The following CA5A variants were observed in gnomAD, a reference collection of about 807,000 sequenced individuals.
CA5A encodes carbonic anhydrase 5A, mitochondrial.
A neutral mutation model predicts 37.1 loss-of-function variants in CA5A; 28 were observed. The ratio of observed to expected loss-of-function variants is 0.75; its 90% CI spans 0.56 to 1.03. The LOEUF (loss-of-function observed/expected upper bound fraction) is 1.03. Among genes scored for constraint, CA5A ranks in the 50% least tolerant of loss-of-function variants. The pLI, the probability that CA5A is intolerant of heterozygous loss-of-function variation, is 0.00. For synonymous variants in CA5A, 171 were observed against 158.4 expected, an observed-to-expected ratio of 1.08 and a Z score of -0.60; for missense variants, 444 against 399.9, an observed-to-expected ratio of 1.11 and a Z score of -0.94.
At chr16:87,915,205 G>A (rs528363905) in intron 2 of CA5A, among the ~76,000 whole-genome samples, 6 of 152,272 alleles carry the variant, frequency 3.9e-5, no homozygotes, top group East Asian at 1.9e-4. Flanking sequence ...TGTCTGCAGC[G>A]GTCCCTGGGA....
chr16:87,903,749 A>G (rs564745759), intron 3 of CA5A, among the ~76,000 whole-genome samples: 1 of 152,294 alleles, frequency 6.6e-6, no homozygotes, highest in Non-Finnish European at 1.5e-5. Flanking sequence ...AAAAAACAGA[A>G]AGAGTCCTCA....
intron 2 of CA5A, among the ~76,000 whole-genome samples, chr16:87,922,115 T>TTA (rs2056238790): frequency 2.0e-5 from 3 of 152,132 alleles, no homozygotes; most frequent in African/African-American, 7.2e-5. Context: ...GTTACAGGTG[T>TTA]GAGCCGCCGG....
intron 3 of CA5A, among the ~76,000 whole-genome samples, chr16:87,903,570 A>G (rs1266009207): frequency 6.6e-6 from 1 of 152,254 alleles, no homozygotes; most frequent in Admixed American, 6.5e-5. Flanking sequence ...CATTCTTGGA[A>G]CAATTTATAA....
rs567307415 is a variant in CA5A, at chr16:87,920,499, G to A, written c.340+6249C>T. 1.2e-3 allele frequency among the ~76,000 whole-genome samples: 181 copies of A among 151,656 alleles called. 1 individual carries two copies. Among genetic ancestry groups the A allele is most frequent in the African/African-American group, 4.3e-3 (176 of 41,344 alleles). ...TAATTTTTGTATTTTTAGTAGAGAC[G>A]GGGTTTCACCATGTTGGCCAGGCTG... On this transcript the variant is annotated intron_variant, in intron 2 of 6. Coordinates refer to ENST00000649794, the MANE Select transcript of CA5A (RefSeq NM_001739.2).
At position 87,902,423 on chromosome 16, in the gene CA5A, A is replaced by C. The variant is rs779727895; in HGVS notation, c.555+2T>G. 2.5e-6 allele frequency: 4 copies of C among 1,585,472 alleles called. No homozygotes were observed. The highest frequency in any genetic ancestry group is 8.7e-7 in the Non-Finnish European group (1 of 1,154,168). ...TAGATCTACACCCGAGCAAGTGATT[A>C]CCTTTAAAAACACGCCTATCACAGC... On this transcript the variant is annotated splice_donor_variant, in intron 4 of 6. Coordinates refer to ENST00000649794, the MANE Select transcript of CA5A (RefSeq NM_001739.2). LOFTEE classifies it high-confidence loss of function.
At chr16:87,901,674 C>T (rs2055880388) in intron 5 of CA5A, among the ~76,000 whole-genome samples, 1 of 151,892 alleles carries the variant, frequency 6.6e-6, no homozygotes, top group Non-Finnish European at 1.5e-5. Context: ...CTGCAACCTC[C>T]ACCTCTGGGT....
rs150393206 is a variant in CA5A at position 87,907,190 on chromosome 16, C to T, written c.341-2286G>A. Among the ~76,000 whole-genome samples the T allele has an allele frequency of 7.0e-3, 1,066 of 152,128 alleles. 16 individuals are homozygous for T. Among genetic ancestry groups the T allele is most frequent in the African/African-American group, 0.024 (1,011 of 41,488 alleles). On this transcript the variant is annotated intron_variant, in intron 2 of 6. Transcript: ENST00000649794. ...CCGAGATTGCGCCAATGCACTTCAG[C>T]CTGGGCGACAGAGTGAGACTCTGTC...
At chr16:87,886,840 T>C (rs2055652341), downstream of CA5A, 1 of 152,238 alleles carries the variant, frequency 6.6e-6, no homozygotes, top group South Asian at 2.1e-4. Flanking sequence ...TTCTTTTTCA[T>C]TGGTTGATTT....
intron 2 of CA5A, among the ~76,000 whole-genome samples, chr16:87,905,892 A>C (rs1043368622): frequency 2.6e-4 from 40 of 152,250 alleles, no homozygotes; most frequent in African/African-American, 8.7e-4. Flanking sequence ...TTCTCCTGAC[A>C]TGTGGGGCTC....
At chr16:87,895,421 T>G (rs2055788046) in intron 5 of CA5A, among the ~76,000 whole-genome samples, 1 of 152,126 alleles carries the variant, frequency 6.6e-6, no homozygotes, top group Admixed American at 6.6e-5. Context: ...GGCGCATGCC[T>G]GTAATCCCAG....
chr16:87,889,888 G>A (rs1008772236), intron 6 of CA5A, among the ~76,000 whole-genome samples: 15 of 152,248 alleles, frequency 9.9e-5, no homozygotes, highest in African/African-American at 3.4e-4. Flanking sequence ...ACATTCAGAA[G>A]TGAGATTATG....
chr16:87,892,144 T>A lies in CA5A; in HGVS notation c.619-190A>T, dbSNP rs559964435. 27 of 480,346 alleles carry A rather than the reference T, an allele frequency of 5.6e-5. No homozygotes were observed. In the East Asian group the frequency reaches 7.1e-4, roughly 13 times the overall value. 29.8% of individuals were successfully genotyped at this position (480,346 alleles called of 1,614,324 possible). A position where few individuals can be genotyped will look rare whatever the true frequency, so the allele number is the denominator to read the frequency against. ...GTGACCCTTCTATACAGAGCAAGGA[T>A]TCCTGCCAACTTACATTGGTGGGAA... On this transcript the variant is annotated intron_variant, in intron 5 of 6. Coordinates refer to ENST00000649794, the MANE Select transcript of CA5A (RefSeq NM_001739.2).
chr16:87,924,660 C>G (rs199563636), intron 2 of CA5A, among the ~76,000 whole-genome samples: 1 of 152,256 alleles, frequency 6.6e-6, no homozygotes, highest in Non-Finnish European at 1.5e-5. Flanking sequence ...TGGGACGCAG[C>G]TGGGCAGACC....
intron 2 of CA5A, among the ~76,000 whole-genome samples, chr16:87,924,820 C>T (rs1212577682): frequency 1.3e-5 from 2 of 152,220 alleles, no homozygotes; most frequent in African/African-American, 2.4e-5. Flanking sequence ...AACGCAGAAG[C>T]GTGGAAGCAG....
intron 2 of CA5A, chr16:87,925,652 A>G (rs1265952139): frequency 6.6e-6 from 1 of 152,226 alleles, no homozygotes; most frequent in Non-Finnish European, 1.5e-5. Context: ...CATAATAGGC[A>G]TAGAGAGAAC....
chr16:87,891,481 GAAAGA>G (rs1276878233), intron 6 of CA5A, among the ~76,000 whole-genome samples: 1 of 151,444 alleles, frequency 6.6e-6, no homozygotes, highest in Non-Finnish European at 1.5e-5. Context: ...AAAAAAAAAG[GAAAGA>G]AAAGAAAAAG....
intron 1 of CA5A, among the ~76,000 whole-genome samples, chr16:87,930,093 T>C (rs1362068008): frequency 6.6e-6 from 1 of 152,016 alleles, no homozygotes; most frequent in African/African-American, 2.4e-5. Context: ...GGTTTTTCTC[T>C]CCCCCATCAA....
intron 1 of CA5A, among the ~76,000 whole-genome samples, chr16:87,931,924 T>C (rs1413975378): frequency 6.6e-6 from 1 of 151,050 alleles, no homozygotes; most frequent in African/African-American, 2.4e-5. Context: ...AGCCCTGAAC[T>C]TCCATTGACT....
At chr16:87,925,171 G>C (rs1370486742) in intron 2 of CA5A, among the ~76,000 whole-genome samples, 1 of 152,198 alleles carries the variant, frequency 6.6e-6, no homozygotes, top group Non-Finnish European at 1.5e-5. Flanking sequence ...AGAGGATGTG[G>C]AGCTGTGGCT....
Sources: gnomAD v4.1 joint callset for allele counts (sites outside exome capture counted in the v4.1 genomes callset) on GRCh38, gnomAD v4.1.1 for gene constraint, MANE v1.5 for transcripts, NCBI Gene and HGNC (gene_info 2026-07-23, HGNC 2026-07-21) for gene names.